The following IPO11 variants were observed in gnomAD, a reference collection of about 807,000 sequenced individuals.
The protein encoded by IPO11 is importin-11.
Under a neutral mutation model 143.2 loss-of-function variants are expected in IPO11, and 66 were observed. The ratio of observed to expected loss-of-function variants is 0.46; its 90% confidence interval spans 0.38 to 0.57. The LOEUF (loss-of-function observed/expected upper bound fraction) is 0.57. IPO11 is among the 20% of genes least tolerant of loss of function. IPO11 has a pLI of 0.00. For missense variants in IPO11, 1,026 were observed against 1,141.0 expected (o/e 0.90, Z 1.45); for synonymous variants, 385 against 377.8 (o/e 1.02, Z -0.22).
At chr5:62,536,347 C>CT (rs1349605696) in intron 22 of IPO11, among the ~76,000 whole-genome samples, 1 of 151,790 alleles carries the variant, frequency 6.6e-6, no homozygotes, top group African/African-American at 2.4e-5. Flanking sequence ...GGGAGCTTGG[C>CT]TTTTTTCTGA....
chr5:62,578,021 G>A (rs759411550), intron 27 of IPO11, among the ~76,000 whole-genome samples: 14 of 152,070 alleles, frequency 9.2e-5, no homozygotes, highest in Non-Finnish European at 1.9e-4. Context: ...GAAAAATGAC[G>A]TTAAAAAATT....
chr5:62,487,027 TA>T (rs1168896498), intron 12 of IPO11, among the ~76,000 whole-genome samples: 1 of 152,140 alleles, frequency 6.6e-6, no homozygotes, highest in East Asian at 1.9e-4. Flanking sequence ...AAAATTTAAA[TA>T]AAAAATTATT....
intron 19 of IPO11, among the ~76,000 whole-genome samples, chr5:62,508,809 T>A (rs968154323): frequency 6.6e-6 from 1 of 151,992 alleles, no homozygotes; most frequent in Non-Finnish European, 1.5e-5. Context: ...CCTGTGTCCA[T>A]GTGTTCTCAT....
chr5:62,543,232 A>G (rs1436721064), intron 24 of IPO11, among the ~76,000 whole-genome samples: 2 of 152,200 alleles, frequency 1.3e-5, no homozygotes, highest in Non-Finnish European at 2.9e-5. Flanking sequence ...CAAAAGTTTT[A>G]AGAACACAGT....
At position 62,539,414 on chromosome 5, in the gene IPO11, A is replaced by G. The variant is rs534344805; in HGVS notation, c.2250+2125A>G. ...GTTGCAGGGACAAAAGTCATAATTG[A>G]TTAAGGGCATTCCCTAATATCTTCA... On this transcript the variant is annotated intron_variant, in intron 24 of 29. Coordinates refer to ENST00000325324, the MANE Select transcript of IPO11 (RefSeq NM_016338.5). Among the ~76,000 whole-genome samples the G allele has an allele frequency of 2.0e-5, 3 of 152,306 alleles. No homozygotes were observed. The South Asian group carries it at 6.2e-4, about 32-fold the overall frequency.
At chr5:62,484,216 T>C (rs1746313790) in intron 11 of IPO11, 54 bp downstream of exon 11, 2 of 1,425,546 alleles carry the variant, frequency 1.4e-6, no homozygotes, top group East Asian at 2.4e-5. Flanking sequence ...TCTATAAATA[T>C]CTGTTTGAGT....
intron 29 of IPO11, among the ~76,000 whole-genome samples, 168 bp downstream of exon 29, chr5:62,602,016 A>G (rs931884840): frequency 2.6e-5 from 4 of 152,204 alleles, no homozygotes; most frequent in African/African-American, 9.6e-5. Flanking sequence ...TTTTATTCCT[A>G]GTACAGAAAG....
At chr5:62,572,683 G>A (rs1489230518) in intron 27 of IPO11, among the ~76,000 whole-genome samples, 1 of 151,900 alleles carries the variant, frequency 6.6e-6, no homozygotes, top group Non-Finnish European at 1.5e-5. Context: ...CCAAGCTTAG[G>A]TGATTCTCAC....
At chr5:62,501,817 A>G (rs1209123797) in intron 16 of IPO11, among the ~76,000 whole-genome samples, 1 of 152,222 alleles carries the variant, frequency 6.6e-6, no homozygotes, top group Non-Finnish European at 1.5e-5. Flanking sequence ...TAATTGAATT[A>G]TGAAATCATA....
chr5:62,552,081 G>GCA (rs1743407584), intron 26 of IPO11, among the ~76,000 whole-genome samples: 1 of 152,090 alleles, frequency 6.6e-6, no homozygotes, highest in Admixed American at 6.6e-5. Flanking sequence ...TGGAGATCAT[G>GCA]CCACTGCACT....
intron 19 of IPO11, among the ~76,000 whole-genome samples, chr5:62,509,286 A>G (rs1461977096): frequency 1.3e-5 from 2 of 152,220 alleles, no homozygotes; most frequent in Non-Finnish European, 2.9e-5. Context: ...ACTCTGTTGA[A>G]AATTTTATCT....
At chr5:62,590,011 C>T (rs1442840408) in intron 27 of IPO11, among the ~76,000 whole-genome samples, 1 of 152,214 alleles carries the variant, frequency 6.6e-6, no homozygotes, top group Non-Finnish European at 1.5e-5. Context: ...CGTCTCCAGT[C>T]AAGCCTGGAG....
intron 11 of IPO11, 34 bp downstream of exon 11, chr5:62,484,196 T>G: frequency 1.3e-6 from 2 of 1,529,344 alleles, no homozygotes; most frequent in Non-Finnish European, 1.8e-6. Context: ...AGAATGACTT[T>G]TCTCCCCTTT....
intron 9 of IPO11, among the ~76,000 whole-genome samples, chr5:62,480,748 T>G (rs1746165418): frequency 6.6e-6 from 1 of 152,080 alleles, no homozygotes; most frequent in South Asian, 2.1e-4. Context: ...CTATTACTGA[T>G]GTATAGGAAT....
chr5:62,501,187 T>C (rs923536891), intron 16 of IPO11, among the ~76,000 whole-genome samples: 3 of 152,184 alleles, frequency 2.0e-5, no homozygotes, highest in African/African-American at 7.2e-5. Flanking sequence ...TATGGGTCTT[T>C]CAGTTTTGTC....
chr5:62,475,249 G>A (rs966256694), intron 8 of IPO11, among the ~76,000 whole-genome samples: 2 of 152,090 alleles, frequency 1.3e-5, no homozygotes, highest in African/African-American at 2.4e-5. Context: ...GCCAGGCGTG[G>A]TGACTCAACG....
chr5:62,612,642 G>A (rs1336968220), intron 29 of IPO11, among the ~76,000 whole-genome samples: 1 of 152,086 alleles, frequency 6.6e-6, no homozygotes, highest in Non-Finnish European at 1.5e-5. Flanking sequence ...AACATGTAAT[G>A]GATTTATTGA....
chr5:62,458,969 C>T (rs1338687821), intron 5 of IPO11, among the ~76,000 whole-genome samples: 1 of 152,150 alleles, frequency 6.6e-6, no homozygotes, highest in Non-Finnish European at 1.5e-5. Context: ...CTGATTTATA[C>T]CTTACCCATC....
chr5:62,612,478 C>T (rs959915644), intron 29 of IPO11, among the ~76,000 whole-genome samples: 2 of 152,252 alleles, frequency 1.3e-5, no homozygotes, highest in Admixed American at 6.5e-5. Context: ...TTAACCAAAA[C>T]ACATAATGCA....
Sources: gnomAD v4.1 joint callset for allele counts (sites outside exome capture counted in the v4.1 genomes callset) on GRCh38, gnomAD v4.1.1 for gene constraint, MANE v1.5 for transcripts, NCBI Gene and HGNC (gene_info 2026-07-23, HGNC 2026-07-21) for gene names.